CFAP299: variants seen among roughly 807,000 people sequenced by gnomAD.
The protein encoded by CFAP299 is cilia- and flagella-associated protein 299.
CFAP299 carries 21 observed loss-of-function variants against 27.0 expected under a neutral mutation model. The ratio of observed to expected loss-of-function variants is 0.78; its 90% CI spans 0.55 to 1.12. The LOEUF is 1.12. CFAP299 is among the 50% of genes most tolerant of loss of function. CFAP299 has a pLI of 0.00. For missense variants in CFAP299, 310 were observed against 276.6 expected (o/e 1.12, Z -0.86); for synonymous variants, 104 against 98.1 (o/e 1.06, Z -0.36).
intron 5 of CFAP299, among the ~76,000 whole-genome samples, chr4:80,958,594 A>G (rs955044690): frequency 6.6e-6 from 1 of 152,200 alleles, no homozygotes; most frequent in Non-Finnish European, 1.5e-5. Flanking sequence ...GTTCTTATTT[A>G]TCTGAAAAAT....
intron 4 of CFAP299, among the ~76,000 whole-genome samples, chr4:80,934,381 G>A (rs1736779870): frequency 6.6e-6 from 1 of 151,988 alleles, no homozygotes; most frequent in Non-Finnish European, 1.5e-5. Flanking sequence ...TGTCTCTGCA[G>A]GTGGATTCTT....
At chr4:80,485,724 C>T (rs1433327900) in intron 2 of CFAP299, among the ~76,000 whole-genome samples, 3 of 152,048 alleles carry the variant, frequency 2.0e-5, no homozygotes, top group Non-Finnish European at 4.4e-5. Flanking sequence ...ATAGATGAAG[C>T]AAATATGTCA....
chr4:80,791,261 A>G (rs1727550166), intron 3 of CFAP299, among the ~76,000 whole-genome samples: 1 of 152,022 alleles, frequency 6.6e-6, no homozygotes, highest in Non-Finnish European at 1.5e-5. Context: ...AAAATATATA[A>G]ATCTGTGGTC....
chr4:80,505,240 T>C (rs1731963032), intron 2 of CFAP299, among the ~76,000 whole-genome samples: 1 of 152,046 alleles, frequency 6.6e-6, no homozygotes, highest in African/African-American at 2.4e-5. Context: ...ATTTACTTGA[T>C]ACTCCTTAAG....
In CFAP299 at chr4:80,625,579, A is replaced by G. The variant is rs1487782625; in HGVS notation, c.333+42396A>G. On this transcript the variant is annotated intron_variant, in intron 3 of 5. Transcript: ENST00000358105. ...ATTATGTTCTCCCATCAAAAGGTGT[A>G]AGATAGCTGAATGAATTTAAAAAAC... 2.0e-5 allele frequency among the ~76,000 whole-genome samples: 3 copies of G among 152,048 alleles called. No individual in the cohort carries two copies. In the East Asian group the frequency reaches 5.8e-4, roughly 29 times the overall value.
chr4:80,868,905 C>CTCTCTGTG lies in CFAP299; in HGVS notation c.334-1087_334-1086insCTCTGTGT, dbSNP rs1435285713. 4.4e-3 allele frequency among the ~76,000 whole-genome samples: 600 copies of CTCTCTGTG among 137,670 alleles called. 1 individual carries two copies. The highest frequency in any genetic ancestry group is 0.016 in the African/African-American group (572 of 36,386). 90.3% of individuals were successfully genotyped at this position (137,670 alleles called of 152,430 possible). A position where few individuals can be genotyped will look rare whatever the true frequency, so the allele number is the denominator to read the frequency against. On this transcript the variant is annotated intron_variant, in intron 3 of 5. Coordinates refer to ENST00000358105, the MANE Select transcript of CFAP299 (RefSeq NM_152770.3). ...ATTCCATGGGTGGGGGCTTCTCTCT[C>CTCTCTGTG]TGTGTGTGTGTGTGTGTGTGTGTGT... is the stretch of plus-strand genomic sequence containing the variant.
chr4:80,475,790 AC>A (rs1054706471), intron 2 of CFAP299, among the ~76,000 whole-genome samples: 1 of 152,072 alleles, frequency 6.6e-6, no homozygotes, highest in African/African-American at 2.4e-5. Flanking sequence ...CTAATTAAGA[AC>A]CCCTAAGGAG....
intron 2 of CFAP299, chr4:80,387,064 G>A (rs1021866469): frequency 1.4e-6 from 2 of 1,428,458 alleles, no homozygotes; most frequent in South Asian, 2.3e-5. Context: ...TGTGGGCAGG[G>A]GAAGTTGTGA....
intron 3 of CFAP299, among the ~76,000 whole-genome samples, chr4:80,606,621 C>T (rs1276788563): frequency 6.6e-6 from 1 of 152,132 alleles, no homozygotes. Context: ...GATATAAACA[C>T]ATAACTCCTT....
the CFAP299 span, among the ~76,000 whole-genome samples, chr4:80,326,817 T>C: frequency 1.3e-5 from 2 of 152,372 alleles, no homozygotes; most frequent in Admixed American, 6.5e-5. Flanking sequence ...TAAAACTTCG[T>C]TGTTTATAAG....
At chr4:80,894,792 G>GTA (rs1185048108) in intron 4 of CFAP299, among the ~76,000 whole-genome samples, 1 of 151,424 alleles carries the variant, frequency 6.6e-6, no homozygotes, top group African/African-American at 2.4e-5. Context: ...GTGTGAGTGT[G>GTA]TGTGTGAGAG....
chr4:80,866,221 T>C (rs1178885180), intron 3 of CFAP299, among the ~76,000 whole-genome samples: 4 of 151,252 alleles, frequency 2.6e-5, no homozygotes, highest in Non-Finnish European at 5.9e-5. Context: ...CGTTTTTGCA[T>C]TTAGAAGCTT....
chr4:80,450,198 G>T (rs985051651), intron 2 of CFAP299, among the ~76,000 whole-genome samples: 1 of 152,050 alleles, frequency 6.6e-6, no homozygotes, highest in Admixed American at 6.5e-5. Context: ...ATATAACTGC[G>T]AACTGTTAAT....
chr4:80,371,432 A>C (rs1724147660), intron 2 of CFAP299, among the ~76,000 whole-genome samples: 1 of 152,084 alleles, frequency 6.6e-6, no homozygotes, highest in South Asian at 2.1e-4. Context: ...CCCCAAAATG[A>C]GTTTTTCTTT....
intron 3 of CFAP299, among the ~76,000 whole-genome samples, chr4:80,686,582 C>A (rs78328249): frequency 1.3e-5 from 2 of 152,038 alleles, no homozygotes; most frequent in African/African-American, 4.8e-5. Flanking sequence ...ATGCTTTTAC[C>A]GCTGTTAATC....
intron 3 of CFAP299, among the ~76,000 whole-genome samples, chr4:80,771,317 T>C (rs1463427860): frequency 6.6e-6 from 1 of 152,174 alleles, no homozygotes; most frequent in Non-Finnish European, 1.5e-5. Context: ...CAAATTTATT[T>C]ACCTCCCACC....
At chr4:80,868,705 A>G (rs1339664943) in intron 3 of CFAP299, among the ~76,000 whole-genome samples, 1 of 151,742 alleles carries the variant, frequency 6.6e-6, no homozygotes, top group African/African-American at 2.4e-5. Context: ...CCAGGGCATC[A>G]ATGCATTTTA....
At chr4:80,916,305 C>T (rs1735764994) in intron 4 of CFAP299, among the ~76,000 whole-genome samples, 2 of 102,486 alleles carry the variant, frequency 2.0e-5, no homozygotes, top group African/African-American at 3.5e-5. Flanking sequence ...ATTTCAGGTA[C>T]AGATCATCTG....
chr4:80,426,469 C>T (rs1727534063), intron 2 of CFAP299, among the ~76,000 whole-genome samples: 1 of 152,108 alleles, frequency 6.6e-6, no homozygotes, highest in African/African-American at 2.4e-5. Context: ...AGCTAGAATA[C>T]AGTGAATTTA....
Sources: gnomAD v4.1 joint callset for allele counts (sites outside exome capture counted in the v4.1 genomes callset) on GRCh38, gnomAD v4.1.1 for gene constraint, MANE v1.5 for transcripts, NCBI Gene and HGNC (gene_info 2026-07-23, HGNC 2026-07-21) for gene names.